IMMP2L: variants seen among roughly 807,000 people sequenced by gnomAD.
IMMP2L encodes the protein inner mitochondrial membrane peptidase subunit 2, also known as mitochondrial inner membrane protease subunit 2.
Under a neutral mutation model 19.3 loss-of-function variants are expected in IMMP2L, and 18 were observed. The ratio of observed to expected loss-of-function variants is 0.93; its 90% CI spans 0.64 to 1.38. IMMP2L has a LOEUF of 1.38. Ranked by LOEUF, IMMP2L falls within the 40% of genes most tolerant of loss-of-function variation. IMMP2L has a pLI of 0.00. For synonymous variants in IMMP2L, 76 were observed against 73.0 expected (o/e 1.04, Z -0.21); for missense variants, 233 against 218.2 (o/e 1.07, Z -0.43).
rs1044661545 is a variant in IMMP2L at position 110,831,990 on chromosome 7, G to A, written c.408+54603C>T. 9.8e-5 allele frequency among the ~76,000 whole-genome samples: 15 copies of A among 152,310 alleles called. No individual in the cohort carries two copies. In the East Asian group the frequency reaches 1.2e-3, roughly 12 times the overall value. On this transcript the variant is annotated intron_variant, in intron 5 of 5. Transcript: ENST00000405709. The stretch of plus-strand genomic sequence containing the variant: ...TTAAAACCACTCTGTAGGGCTGGGC[G>A]CGGTGGCTCACGCCTGTAATCCCCA...
intron 3 of IMMP2L, among the ~76,000 whole-genome samples, chr7:111,035,669 T>C (rs1055209181): frequency 6.6e-6 from 1 of 152,302 alleles, no homozygotes; most frequent in Non-Finnish European, 1.5e-5. Flanking sequence ...TATTGACAAT[T>C]TCCTCCTGTC....
chr7:111,397,760 C>T (rs1833018091), intron 3 of IMMP2L, among the ~76,000 whole-genome samples: 1 of 151,948 alleles, frequency 6.6e-6, no homozygotes, highest in African/African-American at 2.4e-5. Context: ...TATTTTGTGG[C>T]TGTTTTTTAT....
intron 3 of IMMP2L, among the ~76,000 whole-genome samples, chr7:111,269,112 C>T (rs1818170449): frequency 6.6e-6 from 1 of 152,120 alleles, no homozygotes; most frequent in African/African-American, 2.4e-5. Context: ...GAGATCCATA[C>T]CTAGTCATGA....
At chr7:111,026,235 T>C (rs1182192809) in intron 3 of IMMP2L, among the ~76,000 whole-genome samples, 2 of 152,196 alleles carry the variant, frequency 1.3e-5, no homozygotes, top group East Asian at 3.8e-4. Flanking sequence ...GTAATTTTAC[T>C]TTCATTCTAC....
chr7:110,961,302 A>C (rs1220990583), intron 4 of IMMP2L, among the ~76,000 whole-genome samples: 1 of 152,036 alleles, frequency 6.6e-6, no homozygotes, highest in East Asian at 1.9e-4. Flanking sequence ...TAGTATTTGC[A>C]TATAACTATG....
At position 110,705,671 on chromosome 7, in the gene IMMP2L, C is replaced by T. The variant is rs191527189; in HGVS notation, c.409-41950G>A. The stretch of plus-strand genomic sequence containing the variant: ...TGCTGAGGTTTGGGATATGAATGAC[C>T]TGTCACCCAGATAACACTATCTGGG... On this transcript the variant is annotated intron_variant, in intron 5 of 5. Transcript: ENST00000405709. Among the ~76,000 whole-genome samples, 104 of 152,046 alleles carry T rather than the reference C, an allele frequency of 6.8e-4. 1 individual carries two copies. The highest frequency in any genetic ancestry group is 1.8e-3 in the Admixed American group (28 of 15,272).
At chr7:111,000,902 T>C (rs1287342031) in intron 3 of IMMP2L, among the ~76,000 whole-genome samples, 1 of 150,348 alleles carries the variant, frequency 6.7e-6, no homozygotes, top group East Asian at 1.9e-4. Context: ...AATATGGAAA[T>C]TCCACCAATA....
intron 3 of IMMP2L, among the ~76,000 whole-genome samples, chr7:111,447,530 C>A (rs2131866158): frequency 6.9e-6 from 1 of 145,616 alleles, no homozygotes; most frequent in African/African-American, 2.6e-5. Flanking sequence ...CACCACCAGG[C>A]CTGCCCTAAA....
At position 111,004,531 on chromosome 7, in the gene IMMP2L, C is replaced by G. The variant is rs138494370; in HGVS notation, c.240-40966G>C. Among the ~76,000 whole-genome samples the G allele has an allele frequency of 1.7e-3, 266 of 152,152 alleles. 1 individual carries two copies. Among genetic ancestry groups the G allele is most frequent in the African/African-American group, 5.3e-3 (218 of 41,514 alleles). On this transcript the variant is annotated intron_variant, in intron 3 of 5. Coordinates refer to ENST00000405709, the MANE Select transcript of IMMP2L (RefSeq NM_032549.4). The stretch of plus-strand genomic sequence containing the variant: ...GAGTAATAACTGGATAAATGTCAGT[C>G]AATGATTGCTATGGTCCAAAGTTTC...
At chr7:111,426,299 C>T (rs1836066665) in intron 3 of IMMP2L, among the ~76,000 whole-genome samples, 1 of 151,084 alleles carries the variant, frequency 6.6e-6, no homozygotes, top group African/African-American at 2.4e-5. Flanking sequence ...TCTTTTCAAT[C>T]ACCAGTATAA....
At chr7:111,132,775 G>A (rs536715613) in intron 3 of IMMP2L, among the ~76,000 whole-genome samples, 1 of 152,120 alleles carries the variant, frequency 6.6e-6, no homozygotes, top group East Asian at 1.9e-4. Flanking sequence ...TTATCTGTGT[G>A]ATTAAAATCT....
chr7:111,237,425 A>G (rs935794114), intron 3 of IMMP2L, among the ~76,000 whole-genome samples: 4 of 152,066 alleles, frequency 2.6e-5, no homozygotes, highest in Admixed American at 1.3e-4. Context: ...AATAAGTTAA[A>G]TAAGAATGAT....
intron 5 of IMMP2L, among the ~76,000 whole-genome samples, chr7:110,737,908 C>T (rs6466355): frequency 0.95 from 145,224 of 152,204 alleles, 69,302 homozygotes; most frequent in East Asian, 0.98. Flanking sequence ...TCGCTAGTAC[C>T]AGCCTGGAAC....
At chr7:111,508,741 G>C (rs762523245) in intron 2 of IMMP2L, among the ~76,000 whole-genome samples, 1 of 152,116 alleles carries the variant, frequency 6.6e-6, no homozygotes, top group Non-Finnish European at 1.5e-5. Context: ...ATTAGGAAAG[G>C]GTAGGTATAT....
chr7:111,193,500 A>AAAAG (rs1705490172), intron 3 of IMMP2L, among the ~76,000 whole-genome samples: 1 of 152,226 alleles, frequency 6.6e-6, no homozygotes, highest in African/African-American at 2.4e-5. Flanking sequence ...AACATTGAGC[A>AAAAG]TCCATCTCCA....
chr7:111,497,901 TATA>T (rs1477334545), intron 2 of IMMP2L, among the ~76,000 whole-genome samples: 13 of 151,612 alleles, frequency 8.6e-5, no homozygotes, highest in Non-Finnish European at 1.6e-4. Context: ...ATTAGTATTA[TATA>T]ATAATATATT....
chr7:110,979,330 C>T (rs923183691), intron 3 of IMMP2L, among the ~76,000 whole-genome samples: 1 of 152,044 alleles, frequency 6.6e-6, no homozygotes, highest in Non-Finnish European at 1.5e-5. Context: ...CCCCTTGATT[C>T]ATTTATAATG....
chr7:111,503,181 T>C (rs1404499714), intron 2 of IMMP2L, among the ~76,000 whole-genome samples: 11 of 152,126 alleles, frequency 7.2e-5, no homozygotes, highest in Non-Finnish European at 1.2e-4. Context: ...CATCAGAGAA[T>C]ACTACAAACA....
chr7:111,074,116 AG>A (rs754232213), intron 3 of IMMP2L, among the ~76,000 whole-genome samples: 1 of 152,216 alleles, frequency 6.6e-6, no homozygotes, highest in Non-Finnish European at 1.5e-5. Flanking sequence ...CAAAGCTGGA[AG>A]GGACACCAGA....
Sources: allele counts gnomAD v4.1 joint callset (sites outside exome capture counted in the v4.1 genomes callset), GRCh38; gene constraint gnomAD v4.1.1; transcripts MANE v1.5; gene names NCBI Gene and HGNC (gene_info 2026-07-23, HGNC 2026-07-21).